The following SEC62 variants were observed in gnomAD, a reference collection of about 807,000 sequenced individuals.
The protein encoded by SEC62 is SEC62 preprotein translocation factor.
In SEC62, 10 loss-of-function variants were observed where a neutral mutation model predicts 47.5. The ratio of observed to expected loss-of-function variants is 0.21; its 90% CI spans 0.13 to 0.36. The LOEUF is 0.36. Among genes scored for constraint, SEC62 ranks in the 10% least tolerant of loss-of-function variants. SEC62 has a pLI of 1.00. For synonymous variants in SEC62, 136 were observed against 150.5 expected (o/e 0.90, Z 0.71); for missense variants, 327 against 464.1 (o/e 0.70, Z 2.71).
At chr3:169,985,932 G>A (rs1576862679) in intron 6 of SEC62, 67 bp downstream of exon 6, 2 of 1,064,278 alleles carry the variant, frequency 1.9e-6, no homozygotes, top group East Asian at 2.4e-5. Context: ...TGCAGATACT[G>A]TAAAAGAAAA....
At position 169,992,868 on chromosome 3, in the gene SEC62, G is replaced by T; in HGVS notation, c.1005G>T (p.Ser335=). ...VGPGNHGTEG[S]GGERHSDTDS... is the part of the protein sequence containing the mutation. ...CAGGAAATCATGGAACAGAAGGCTC[G>T]GGGGGAGAACGGCATTCAGACACGG... Residue 335 remains serine (S), a synonymous_variant, in exon 8 of 8, where the codon TCG becomes TCT. Transcript: ENST00000337002. This position sits in a 1 kb window ranked among gnomAD's most constrained non-coding sequence, Gnocchi z 4.0. The T allele has an allele frequency of 6.2e-7, 1 of 1,613,992 alleles. No homozygotes were observed.
Position 169,992,892 on chromosome 3 carries a change from G to C in SEC62, c.1029G>C (p.Thr343=). 1.2e-6 allele frequency: 2 copies of C among 1,613,884 alleles called. No homozygotes were observed. Among genetic ancestry groups the C allele is most frequent in the Non-Finnish European group, 1.7e-6 (2 of 1,179,978 alleles). The stretch of plus-strand genomic sequence containing the variant: ...CGGGGGGAGAACGGCATTCAGACAC[G>C]GACAGTGACAGGAGGGAAGATGATC... ...EGSGGERHSD[T]DSDRREDDRS... Residue 343 remains threonine, a synonymous_variant, in exon 8 of 8, where the codon ACG becomes ACC. Coordinates refer to ENST00000337002, the MANE Select transcript of SEC62 (RefSeq NM_003262.4). The surrounding 1 kb of genome is among the most constrained non-coding windows in gnomAD (Gnocchi z 4.0).
Position 169,966,813 on chromosome 3 carries a change from A to G in SEC62, c.-10A>G, listed in dbSNP as rs769217060. Reference sequence around the variant, plus strand: ...CTCCACGTCAGAGGGAACCGGGCGGAGCGGCCAACATGGCGGAACGCAGGA... The same window carrying G: ...CTCCACGTCAGAGGGAACCGGGCGGGGCGGCCAACATGGCGGAACGCAGGA... On this transcript the variant is annotated 5_prime_UTR_variant, in exon 1 of 8. Coordinates refer to ENST00000337002, the MANE Select transcript of SEC62 (RefSeq NM_003262.4). 1.4e-5 allele frequency: 22 copies of G among 1,552,968 alleles called. No individual in the cohort carries two copies. Among genetic ancestry groups the G allele is most frequent in the Non-Finnish European group, 1.5e-5 (17 of 1,147,822 alleles).
At chr3:169,968,078 G>A (rs1253398616) in intron 1 of SEC62, among the ~76,000 whole-genome samples, 1 of 152,070 alleles carries the variant, frequency 6.6e-6, no homozygotes, top group African/African-American at 2.4e-5. Flanking sequence ...GGCAGATTTC[G>A]AGTTCAGACA....
At chr3:169,977,551 A>G (rs986184952) in intron 3 of SEC62, among the ~76,000 whole-genome samples, 1 of 152,192 alleles carries the variant, frequency 6.6e-6, no homozygotes, top group African/African-American at 2.4e-5. Context: ...GAGAATTTCA[A>G]GATGAAATAC....
At chr3:169,980,666 A>G (rs2108283834) in intron 3 of SEC62, among the ~76,000 whole-genome samples, 1 of 152,296 alleles carries the variant, frequency 6.6e-6, no homozygotes, top group Admixed American at 6.5e-5. Context: ...ATTAAGAATC[A>G]TTTTTTCCAC....
At chr3:169,986,349 T>G (rs1227922975) in intron 6 of SEC62, among the ~76,000 whole-genome samples, 1 of 152,224 alleles carries the variant, frequency 6.6e-6, no homozygotes, top group Non-Finnish European at 1.5e-5. Context: ...TTGCACAAAG[T>G]GTGTGCATTG....
rs909287577 is a variant in SEC62, at chr3:169,996,895, T to C, written c.*3832T>C. ...ATATCTTCATGTAAAGAACCATCTG[T>C]TTCTTATTGGAATCAAGACCAATAC... On this transcript the variant is annotated 3_prime_UTR_variant, in exon 8 of 8. Coordinates refer to ENST00000337002, the MANE Select transcript of SEC62 (RefSeq NM_003262.4). 1 of 152,220 alleles carries C rather than the reference T, an allele frequency of 6.6e-6. No individual in the cohort carries two copies. Among genetic ancestry groups the C allele is most frequent in the East Asian group, 1.9e-4 (1 of 5,204 alleles). 9.4% of individuals were successfully genotyped at this position (152,220 alleles called of 1,614,324 possible). A position where few individuals can be genotyped will look rare whatever the true frequency, so the allele number is the denominator to read the frequency against.
chr3:169,973,078 T>C (rs1226531254), intron 1 of SEC62, among the ~76,000 whole-genome samples: 1 of 152,224 alleles, frequency 6.6e-6, no homozygotes, highest in Non-Finnish European at 1.5e-5. Context: ...TATTCAACTT[T>C]TATAGTATTA....
At chr3:169,967,374 T>A (rs1334856470) in intron 1 of SEC62, among the ~76,000 whole-genome samples, 1 of 152,110 alleles carries the variant, frequency 6.6e-6, no homozygotes, top group Non-Finnish European at 1.5e-5. Context: ...CTTGGTCAGC[T>A]GCCTCGGGGC....
intron 5 of SEC62, 196 bp from the exon 6 acceptor site, chr3:169,985,609 C>A (rs1715086463): frequency 2.2e-6 from 1 of 458,818 alleles, no homozygotes; most frequent in Non-Finnish European, 3.8e-6. Flanking sequence ...TTATAGTTAT[C>A]CTATAATCAT....
At chr3:169,988,015 T>C (rs892489599) in intron 6 of SEC62, among the ~76,000 whole-genome samples, 3 of 152,200 alleles carry the variant, frequency 2.0e-5, no homozygotes, top group African/African-American at 7.2e-5. Context: ...TCTAATTATA[T>C]GTAATTTACA....
At chr3:169,973,662 C>CAA (rs757037480) in intron 1 of SEC62, among the ~76,000 whole-genome samples, 5,210 of 108,614 alleles carry the variant, frequency 0.048, 274 homozygotes, top group East Asian at 0.17. Flanking sequence ...GACTGCGTCT[C>CAA]AAAAAAAAAA....
chr3:169,976,642 TAA>T (rs763312507), intron 2 of SEC62, among the ~76,000 whole-genome samples: 2 of 152,232 alleles, frequency 1.3e-5, no homozygotes, highest in Non-Finnish European at 2.9e-5. Flanking sequence ...TTGTGATTAA[TAA>T]GAGTGATAGT....
intron 7 of SEC62, among the ~76,000 whole-genome samples, chr3:169,990,688 T>C (rs2108288739): frequency 6.6e-6 from 1 of 152,346 alleles, no homozygotes; most frequent in East Asian, 1.9e-4. Flanking sequence ...TCATTATCTC[T>C]GTTTATCAGT....
chr3:169,976,992 C>T lies in SEC62; in HGVS notation c.192C>T (p.Ala64=). The part of the protein sequence containing the change: ...DCLLDSKWAK[A]KKGEEALFTT... ...TTTTGGATTCAAAGTGGGCAAAGGC[C>T]AAGAAAGGAGAGGAAGCTTTATTTA... Residue 64 remains alanine, a synonymous_variant, in exon 3 of 8, where the codon GCC becomes GCT. Transcript: ENST00000337002. 6.2e-7 allele frequency: 1 copy of T among 1,610,990 alleles called. No individual in the cohort carries two copies. The highest frequency in any genetic ancestry group is 8.5e-7 in the Non-Finnish European group (1 of 1,178,010).
rs12493899 is a variant in SEC62, at chr3:169,972,197, T to C, written c.37-3411T>C. Among the ~76,000 whole-genome samples, 638 of 152,358 alleles carry C rather than the reference T, an allele frequency of 4.2e-3. 6 individuals are homozygous for C. The highest frequency in any genetic ancestry group is 0.025 in the South Asian group (120 of 4,828). On this transcript the variant is annotated intron_variant, in intron 1 of 7. Transcript: ENST00000337002. ...TCCTATTAAGAAACTACTAGTGGTC[T>C]TTCTGCTGCTTACAGGGTAAAGTAG...
chr3:169,987,898 T>G (rs1234423293), intron 6 of SEC62, among the ~76,000 whole-genome samples: 1 of 152,210 alleles, frequency 6.6e-6, no homozygotes, highest in African/African-American at 2.4e-5. Context: ...CCTTACTTAG[T>G]AGGCAAATAT....
At chr3:169,969,053 GT>G (rs901858912) in intron 1 of SEC62, among the ~76,000 whole-genome samples, 8 of 152,100 alleles carry the variant, frequency 5.3e-5, no homozygotes, top group African/African-American at 1.7e-4. Flanking sequence ...GTAATGAAAA[GT>G]TCAGAGTTTA....
Sources: gnomAD v4.1 joint callset for allele counts (sites outside exome capture counted in the v4.1 genomes callset) on GRCh38, gnomAD v4.1.1 for gene constraint, Gnocchi (gnomAD v3.1) non-coding constraint, MANE v1.5 for transcripts, NCBI Gene and HGNC (gene_info 2026-07-23, HGNC 2026-07-21) for gene names.